The following UNC13C variants were observed in gnomAD, a reference collection of about 807,000 sequenced individuals.
The protein encoded by UNC13C is protein unc-13 homolog C.
In UNC13C, 174 loss-of-function variants were observed where a neutral mutation model predicts 245.4. That is an observed-to-expected ratio of 0.71 (90% CI 0.63 to 0.80). The LOEUF (loss-of-function observed/expected upper bound fraction) is 0.80, where lower values mean the gene tolerates loss of function less well. Among genes scored for constraint, UNC13C ranks in the 30% least tolerant of loss-of-function variants. The pLI, the probability that UNC13C is intolerant of heterozygous loss-of-function variation, is 0.00. For missense variants in UNC13C, 2,829 were observed against 2,602.9 expected, an observed-to-expected ratio of 1.09 and a Z score of -1.89; for synonymous variants, 992 against 895.1, an observed-to-expected ratio of 1.11 and a Z score of -1.93.
chr15:54,437,200 G>C (rs1050250966), intron 19 of UNC13C, among the ~76,000 whole-genome samples: 6 of 151,854 alleles, frequency 4.0e-5, no homozygotes, highest in African/African-American at 1.5e-4. Context: ...GTGTGTGTTG[G>C]CAAATCCCCA....
intron 10 of UNC13C, among the ~76,000 whole-genome samples, chr15:54,280,163 C>G (rs1435902748): frequency 6.6e-6 from 1 of 152,008 alleles, no homozygotes; most frequent in Admixed American, 6.5e-5. Context: ...TTCTGTGGTT[C>G]TGTGTAGTAT....
At chr15:54,507,291 C>T (rs1200427252) in intron 23 of UNC13C, 97 bp downstream of exon 23, 1 of 785,892 alleles carries the variant, frequency 1.3e-6, no homozygotes, top group African/African-American at 1.7e-5. Context: ...TTTCAGTTTT[C>T]ACATAGGATA....
chr15:54,175,573 C>T (rs568758939), intron 4 of UNC13C, among the ~76,000 whole-genome samples: 4 of 136,104 alleles, frequency 2.9e-5, no homozygotes, highest in Non-Finnish European at 6.0e-5. Context: ...AGCGTAGTGG[C>T]GCGATCTCGG....
rs774128347 is a variant in UNC13C at position 54,015,485 on chromosome 15, C to T, written c.2582C>T (p.Ala861Val). ...TACACGGAGCCCTATTACTATAAAG[C>T]AGAGGATGAGGAAGATTATACTGAA... ...DVYTEPYYYK[A>V]EDEEDYTEPV... The change falls in exon 2 of 33, where the codon GCA becomes GTA. Residue 861 changes from alanine (A) to valine (V), a missense_variant. Physicochemically the swap from Ala to Val is moderately conservative, Grantham distance 64. Coordinates refer to ENST00000260323, the MANE Select transcript of UNC13C (RefSeq NM_001080534.3). 9.9e-6 allele frequency: 16 copies of T among 1,612,772 alleles called. No homozygotes were observed. The highest frequency in any genetic ancestry group is 4.0e-5 in the African/African-American group (3 of 74,860).
chr15:54,213,944 C>T (rs2034962439), intron 4 of UNC13C, among the ~76,000 whole-genome samples: 1 of 151,912 alleles, frequency 6.6e-6, no homozygotes, highest in South Asian at 2.1e-4. Flanking sequence ...GGCAAAGGCA[C>T]AGACGGAGCT....
At chr15:54,604,293 AAT>A (rs750495529) in intron 30 of UNC13C, among the ~76,000 whole-genome samples, 32 of 152,184 alleles carry the variant, frequency 2.1e-4, no homozygotes, top group Non-Finnish European at 3.5e-4. Context: ...GATGAACTAA[AAT>A]ATGTTTAGTT....
At chr15:53,865,135 G>A in the UNC13C span, among the ~76,000 whole-genome samples, 58 of 152,290 alleles carry the variant, frequency 3.8e-4, no homozygotes, top group African/African-American at 1.4e-3. Flanking sequence ...TTTCTACTTT[G>A]ATGGATATTT....
intron 13 of UNC13C, among the ~76,000 whole-genome samples, chr15:54,318,979 G>C (rs115909090): frequency 6.6e-6 from 1 of 151,720 alleles, no homozygotes; most frequent in South Asian, 2.1e-4. Context: ...AAAATCTCAA[G>C]GTGGCAGCTA....
At chr15:54,552,404 A>G (rs184353343) in intron 28 of UNC13C, among the ~76,000 whole-genome samples, 758 of 5,092 alleles carry the variant, frequency 0.15, 17 homozygotes, top group Non-Finnish European at 0.24. Context: ...ATATAATTAT[A>G]TAATTATATA....
chr15:54,106,421 T>A (rs552056503), intron 2 of UNC13C, among the ~76,000 whole-genome samples: 2 of 152,284 alleles, frequency 1.3e-5, no homozygotes, highest in African/African-American at 4.8e-5. Context: ...AAAAAACACA[T>A]CAAGCAAAAA....
At chr15:54,425,585 G>T (rs1250333747) in intron 19 of UNC13C, among the ~76,000 whole-genome samples, 1 of 151,776 alleles carries the variant, frequency 6.6e-6, no homozygotes, top group Non-Finnish European at 1.5e-5. Flanking sequence ...ACTATTCAAA[G>T]AAATTTATTC....
chr15:53,854,947 A>G, the UNC13C span, among the ~76,000 whole-genome samples: 4 of 152,058 alleles, frequency 2.6e-5, no homozygotes, highest in Non-Finnish European at 5.9e-5. Flanking sequence ...TTTTTCCATT[A>G]GTGTGTATCC....
chr15:53,943,981 CCTTTTA>C, the UNC13C span, among the ~76,000 whole-genome samples: 1 of 152,046 alleles, frequency 6.6e-6, no homozygotes, highest in Non-Finnish European at 1.5e-5. Flanking sequence ...CTCTTCCCCT[CCTTTTA>C]CTTTTAGTGT....
intron 13 of UNC13C, among the ~76,000 whole-genome samples, chr15:54,307,115 G>T (rs2037746418): frequency 6.6e-6 from 1 of 151,948 alleles, no homozygotes; most frequent in African/African-American, 2.4e-5. Flanking sequence ...TAAGTATGAG[G>T]ACTTATATAG....
At chr15:54,183,002 G>A (rs1422428396) in intron 4 of UNC13C, among the ~76,000 whole-genome samples, 1 of 151,780 alleles carries the variant, frequency 6.6e-6, no homozygotes, top group African/African-American at 2.4e-5. Flanking sequence ...TTTAGTAAGC[G>A]AGTATTCATG....
At chr15:54,602,935 T>C (rs1899524566) in intron 30 of UNC13C, among the ~76,000 whole-genome samples, 1 of 152,288 alleles carries the variant, frequency 6.6e-6, no homozygotes, top group Admixed American at 6.5e-5. Flanking sequence ...CCTCTGTGTC[T>C]GGAGACTGGA....
At chr15:53,966,274 T>C in the UNC13C span, among the ~76,000 whole-genome samples, 4 of 152,300 alleles carry the variant, frequency 2.6e-5, no homozygotes, top group East Asian at 1.9e-4. Flanking sequence ...TTGATGGTTG[T>C]ATCTTTTTCT....
chr15:54,508,678 T>G (rs1411496787), intron 23 of UNC13C, among the ~76,000 whole-genome samples: 1 of 152,196 alleles, frequency 6.6e-6, no homozygotes, highest in African/African-American at 2.4e-5. Context: ...GAATATCACT[T>G]GGTTACTAGG....
At chr15:54,357,192 A>G (rs2039115956) in intron 17 of UNC13C, among the ~76,000 whole-genome samples, 1 of 152,002 alleles carries the variant, frequency 6.6e-6, no homozygotes, top group African/African-American at 2.4e-5. Context: ...TTTTAGGTTA[A>G]ATGTGTATGA....
Sources: allele counts gnomAD v4.1 joint callset (sites outside exome capture counted in the v4.1 genomes callset), GRCh38; gene constraint gnomAD v4.1.1; transcripts MANE v1.5; gene names NCBI Gene and HGNC (gene_info 2026-07-23, HGNC 2026-07-21).